Variants in KCNIP1 observed in about 807,000 individuals in gnomAD.
The protein encoded by KCNIP1 is potassium voltage-gated channel interacting protein 1.
Under a neutral mutation model 33.0 loss-of-function variants are expected in KCNIP1, and 18 were observed. The ratio of observed to expected loss-of-function variants is 0.55; its 90% CI spans 0.38 to 0.81. The LOEUF (loss-of-function observed/expected upper bound fraction) is 0.81. KCNIP1 is among the 30% of genes least tolerant of loss of function. The pLI, the probability that KCNIP1 is intolerant of heterozygous loss-of-function variation, is 0.00. For synonymous variants in KCNIP1, 93 were observed against 98.3 expected, an observed-to-expected ratio of 0.95 and a Z score of 0.32; for missense variants, 238 against 271.6, an observed-to-expected ratio of 0.88 and a Z score of 0.87.
chr5:170,617,320 G>T (rs1759419845), intron 1 of KCNIP1, among the ~76,000 whole-genome samples: 1 of 151,970 alleles, frequency 6.6e-6, no homozygotes, highest in African/African-American at 2.4e-5. Flanking sequence ...AAGACAAAAA[G>T]GCCGGATAAG....
intron 1 of KCNIP1, among the ~76,000 whole-genome samples, chr5:170,436,329 C>T (rs999202917): frequency 6.6e-6 from 1 of 152,214 alleles, no homozygotes; most frequent in Non-Finnish European, 1.5e-5. Flanking sequence ...AGTCAGGAGG[C>T]TACCCTGCAG....
intron 1 of KCNIP1, among the ~76,000 whole-genome samples, chr5:170,472,333 G>A (rs1216590837): frequency 2.0e-5 from 3 of 152,230 alleles, no homozygotes; most frequent in Non-Finnish European, 2.9e-5. Flanking sequence ...ACGCTGGGGC[G>A]GCGCCTGCCC....
intron 1 of KCNIP1, among the ~76,000 whole-genome samples, chr5:170,410,266 G>A (rs1408652991): frequency 4.4e-5 from 5 of 114,502 alleles, no homozygotes; most frequent in Non-Finnish European, 5.5e-5. Flanking sequence ...ACAGGGGATC[G>A]CAGACACAGT....
intron 1 of KCNIP1, among the ~76,000 whole-genome samples, chr5:170,624,722 ACC>A (rs1759747081): frequency 1.4e-4 from 6 of 42,334 alleles, no homozygotes; most frequent in African/African-American, 4.2e-4. Context: ...AGGAAAGGAG[ACC>A]GGGGAGGTGG....
In KCNIP1 at chr5:170,504,521, T is replaced by G. The variant is rs189381622; in HGVS notation, c.-52T>G. On this transcript the variant is annotated 5_prime_UTR_variant, in exon 1 of 8. Transcript: ENST00000328939. This position sits in a 1 kb window ranked among gnomAD's most constrained non-coding sequence, Gnocchi z 6.0. ...AAACCACGGGGATTTCTTTCCAGGGTAGGGGAGGGGCCGGGCCCGGGGTCC... is the reference window on the plus strand; with the variant it reads ...AAACCACGGGGATTTCTTTCCAGGGGAGGGGAGGGGCCGGGCCCGGGGTCC... 1.9e-3 allele frequency: 3,043 copies of G among 1,609,116 alleles called. 55 individuals carry two copies. The African/African-American group carries it at 0.034, about 18-fold the overall frequency.
At chr5:170,540,570 T>C (rs1025459288) in intron 1 of KCNIP1, among the ~76,000 whole-genome samples, 17 of 152,258 alleles carry the variant, frequency 1.1e-4, no homozygotes, top group Non-Finnish European at 2.2e-4. Context: ...GACCTGCCCT[T>C]CCCTGACCAC....
intron 1 of KCNIP1, among the ~76,000 whole-genome samples, chr5:170,688,085 C>T (rs1406754526): frequency 1.3e-5 from 2 of 152,136 alleles, no homozygotes; most frequent in Non-Finnish European, 2.9e-5. Flanking sequence ...ACATGATATA[C>T]TTCATATACA....
At chr5:170,705,529 C>G (rs748002033) in intron 1 of KCNIP1, among the ~76,000 whole-genome samples, 1 of 152,176 alleles carries the variant, frequency 6.6e-6, no homozygotes, top group Non-Finnish European at 1.5e-5. Flanking sequence ...CACTAATGTT[C>G]CAGGCCCTAT....
intron 1 of KCNIP1, among the ~76,000 whole-genome samples, chr5:170,667,744 G>T (rs1249241979): frequency 2.0e-5 from 3 of 152,224 alleles, no homozygotes; most frequent in Admixed American, 6.5e-5. Context: ...TATCCCATAA[G>T]GTTGCTGGGG....
chr5:170,697,550 A>T (rs931370651), intron 1 of KCNIP1, among the ~76,000 whole-genome samples: 3 of 152,184 alleles, frequency 2.0e-5, no homozygotes, highest in Non-Finnish European at 2.9e-5. Context: ...CATGAAATTG[A>T]GTCCCCCAGA....
At chr5:170,493,576 G>A (rs1757251233) in intron 1 of KCNIP1, among the ~76,000 whole-genome samples, 1 of 152,120 alleles carries the variant, frequency 6.6e-6, no homozygotes, top group Non-Finnish European at 1.5e-5. Context: ...CCCATAGATG[G>A]GGTTAGTGAA....
intron 1 of KCNIP1, among the ~76,000 whole-genome samples, chr5:170,630,511 C>T (rs908029725): frequency 6.6e-6 from 1 of 152,150 alleles, no homozygotes; most frequent in African/African-American, 2.4e-5. Flanking sequence ...CGCTGGAGCC[C>T]AGAGGCGTCC....
At chr5:170,414,177 T>A (rs536130775) in intron 1 of KCNIP1, among the ~76,000 whole-genome samples, 6 of 152,362 alleles carry the variant, frequency 3.9e-5, no homozygotes, top group African/African-American at 1.2e-4. Context: ...AACTATGGTC[T>A]GTATGTCATA....
At chr5:170,700,030 G>A (rs1369567599) in intron 1 of KCNIP1, among the ~76,000 whole-genome samples, 1 of 152,098 alleles carries the variant, frequency 6.6e-6, no homozygotes, top group Non-Finnish European at 1.5e-5. Context: ...GCACAATGTG[G>A]TCCATGCCTG....
At chr5:170,359,688 GTGTTCA>G (rs1288625353) in intron 1 of KCNIP1, among the ~76,000 whole-genome samples, 4 of 152,154 alleles carry the variant, frequency 2.6e-5, no homozygotes, top group Non-Finnish European at 5.9e-5. Context: ...GGAGGGGCAT[GTGTTCA>G]CCTTGGCCCT....
chr5:170,394,605 A>G (rs895144933), intron 1 of KCNIP1, among the ~76,000 whole-genome samples: 1 of 152,174 alleles, frequency 6.6e-6, no homozygotes, highest in Non-Finnish European at 1.5e-5. Context: ...TCTTTCTTGA[A>G]TTTTAATTAT....
intron 1 of KCNIP1, among the ~76,000 whole-genome samples, chr5:170,493,354 T>TGG (rs1757246257): frequency 6.6e-6 from 1 of 152,148 alleles, no homozygotes; most frequent in Non-Finnish European, 1.5e-5. Context: ...TCATGAGATA[T>TGG]TAGAAAGCAC....
chr5:170,684,921 T>C (rs901355681), intron 1 of KCNIP1, among the ~76,000 whole-genome samples: 3 of 151,934 alleles, frequency 2.0e-5, no homozygotes, highest in Non-Finnish European at 2.9e-5. Flanking sequence ...GCTCACCTTC[T>C]TGGAAATATC....
At chr5:170,521,743 C>A (rs1466070418) in intron 1 of KCNIP1, among the ~76,000 whole-genome samples, 1 of 152,220 alleles carries the variant, frequency 6.6e-6, no homozygotes, top group East Asian at 1.9e-4. Flanking sequence ...CAACCATAAT[C>A]TCAAGGAGGT....
Sources: gnomAD v4.1 joint callset for allele counts (sites outside exome capture counted in the v4.1 genomes callset) on GRCh38, gnomAD v4.1.1 for gene constraint, Gnocchi (gnomAD v3.1) non-coding constraint, MANE v1.5 for transcripts, NCBI Gene and HGNC (gene_info 2026-07-23, HGNC 2026-07-21) for gene names.